PDZRN4: variants seen among roughly 807,000 people sequenced by gnomAD.
PDZRN4 encodes PDZ domain-containing RING finger protein 4.
PDZRN4 carries 70 observed loss-of-function variants against 99.0 expected under a neutral mutation model. The observed-to-expected ratio is 0.71, with a 90% CI of 0.58 to 0.86. PDZRN4 has a LOEUF of 0.86. Ranked by LOEUF, PDZRN4 falls within the 40% of genes least tolerant of loss-of-function variation. PDZRN4 has a pLI of 0.00. For synonymous variants in PDZRN4, 551 were observed against 501.6 expected (o/e 1.10, Z -1.32); for missense variants, 1,474 against 1,331.2 (o/e 1.11, Z -1.67).
chr12:41,188,617 G>A lies in PDZRN4; in HGVS notation c.162G>A (p.Leu54=), dbSNP rs1237569938. The A allele has an allele frequency of 2.6e-6, 4 of 1,539,610 alleles. No homozygotes were observed. The highest frequency in any genetic ancestry group is 1.4e-5 in the African/African-American group (1 of 73,226). The stretch of plus-strand genomic sequence containing the variant: ...CGGTGCGGAGGCGCCGGTGCCCGCT[G>A]CAGTGCCAGCCCTTGGCGCCCGGCG... The part of the protein sequence containing the change: ...PWAVRRRRCP[L]QCQPLAPGEL... The change falls in exon 1 of 10, where the codon CTG becomes CTA. Residue 54 remains leucine, a synonymous_variant. Coordinates refer to ENST00000402685, the MANE Select transcript of PDZRN4 (RefSeq NM_001164595.2).
chr12:41,421,167 C>T (rs1952486085), intron 3 of PDZRN4, among the ~76,000 whole-genome samples: 1 of 152,096 alleles, frequency 6.6e-6, no homozygotes, highest in African/African-American at 2.4e-5. Flanking sequence ...AACATCATTA[C>T]TTTTTATAAT....
At chr12:41,395,282 C>A (rs945097831) in intron 3 of PDZRN4, among the ~76,000 whole-genome samples, 4 of 152,100 alleles carry the variant, frequency 2.6e-5, no homozygotes, top group Non-Finnish European at 5.9e-5. Flanking sequence ...TCCCCAAATA[C>A]AACAGTATGA....
chr12:41,196,814 TTAAAG>T (rs1236463398), intron 3 of PDZRN4, among the ~76,000 whole-genome samples: 1 of 152,116 alleles, frequency 6.6e-6, no homozygotes, highest in Non-Finnish European at 1.5e-5. Flanking sequence ...AAACAGATTT[TTAAAG>T]TAAAGATAAT....
chr12:41,433,875 T>C (rs1952605585), intron 3 of PDZRN4, among the ~76,000 whole-genome samples: 1 of 152,140 alleles, frequency 6.6e-6, no homozygotes, highest in Non-Finnish European at 1.5e-5. Flanking sequence ...TATTGTTAAA[T>C]ATAACAAAAA....
intron 3 of PDZRN4, among the ~76,000 whole-genome samples, chr12:41,401,617 T>C (rs1357365960): frequency 1.3e-5 from 2 of 152,134 alleles, no homozygotes; most frequent in Non-Finnish European, 2.9e-5. Flanking sequence ...GCCATTCTAG[T>C]CTTCACTTTT....
intron 3 of PDZRN4, among the ~76,000 whole-genome samples, chr12:41,475,526 CT>C (rs757765892): frequency 6.6e-6 from 1 of 152,172 alleles, no homozygotes; most frequent in Non-Finnish European, 1.5e-5. Flanking sequence ...GAAACACATT[CT>C]TTGCAGCTTT....
intron 3 of PDZRN4, among the ~76,000 whole-genome samples, chr12:41,478,994 A>T (rs1353116330): frequency 6.6e-6 from 1 of 152,220 alleles, no homozygotes; most frequent in African/African-American, 2.4e-5. Flanking sequence ...ATAAAGACCA[A>T]AGCAATCTTT....
chr12:41,359,192 T>C (rs901265061), intron 3 of PDZRN4, among the ~76,000 whole-genome samples: 3 of 151,986 alleles, frequency 2.0e-5, no homozygotes, highest in African/African-American at 7.2e-5. Flanking sequence ...TTTTTTTTAT[T>C]CTTAGAAGGA....
chr12:41,402,970 A>G (rs1952314933), intron 3 of PDZRN4, among the ~76,000 whole-genome samples: 1 of 152,042 alleles, frequency 6.6e-6, no homozygotes, highest in African/African-American at 2.4e-5. Context: ...GATAACTTAG[A>G]TCTCACTGTT....
At chr12:41,488,354 T>C (rs888428059) in intron 3 of PDZRN4, among the ~76,000 whole-genome samples, 1 of 152,198 alleles carries the variant, frequency 6.6e-6, no homozygotes, top group African/African-American at 2.4e-5. Flanking sequence ...AGGTTATCAC[T>C]ACTTGAGAAG....
At chr12:41,549,876 G>A (rs979019728) in intron 5 of PDZRN4, among the ~76,000 whole-genome samples, 1 of 152,180 alleles carries the variant, frequency 6.6e-6, no homozygotes, top group African/African-American at 2.4e-5. Context: ...GAGCTGAAAG[G>A]AAATAGGAGG....
intron 3 of PDZRN4, among the ~76,000 whole-genome samples, chr12:41,302,031 T>C (rs927836351): frequency 6.6e-6 from 1 of 152,120 alleles, no homozygotes; most frequent in Non-Finnish European, 1.5e-5. Context: ...TGTTTTCAAT[T>C]ATAACATTAA....
At chr12:41,290,154 C>G (rs761964214) in intron 3 of PDZRN4, among the ~76,000 whole-genome samples, 1 of 152,128 alleles carries the variant, frequency 6.6e-6, no homozygotes, top group African/African-American at 2.4e-5. Flanking sequence ...TCTTAGCATC[C>G]CTACCATAAG....
At chr12:41,519,526 C>T (rs1938456727) in intron 5 of PDZRN4, among the ~76,000 whole-genome samples, 3 of 152,068 alleles carry the variant, frequency 2.0e-5, no homozygotes. Context: ...TCTTCCTGAT[C>T]TTAGTCTCTG....
chr12:41,290,192 G>A lies in PDZRN4; in HGVS notation c.843+96004G>A, dbSNP rs547030106. Among the ~76,000 whole-genome samples the A allele has an allele frequency of 2.6e-5, 4 of 152,298 alleles. No homozygotes were observed. In the East Asian group the frequency reaches 7.7e-4, roughly 29 times the overall value. ...CAGATGAAAGATGATTTAAAGTACT[G>A]TGGTTGGCTAACATGCATTGTTTCT... On this transcript the variant is annotated intron_variant, in intron 3 of 9. Coordinates refer to ENST00000402685, the MANE Select transcript of PDZRN4 (RefSeq NM_001164595.2).
At chr12:41,396,657 G>T (rs116928558) in intron 3 of PDZRN4, among the ~76,000 whole-genome samples, 2,054 of 152,188 alleles carry the variant, frequency 0.013, 17 homozygotes, top group African/African-American at 0.017. Flanking sequence ...GCTGAACTGA[G>T]GGAAGATCCA....
intron 3 of PDZRN4, among the ~76,000 whole-genome samples, chr12:41,301,329 A>G (rs867846505): frequency 6.6e-6 from 1 of 152,060 alleles, no homozygotes; most frequent in Non-Finnish European, 1.5e-5. Context: ...AATTTTCAAT[A>G]TTTGAAAATT....
At chr12:41,304,295 G>A (rs1356586380) in intron 3 of PDZRN4, among the ~76,000 whole-genome samples, 1 of 152,118 alleles carries the variant, frequency 6.6e-6, no homozygotes, top group East Asian at 1.9e-4. Flanking sequence ...GGAATAATAG[G>A]TATCAGACTA....
chr12:41,426,215 C>T (rs976107175), intron 3 of PDZRN4, among the ~76,000 whole-genome samples: 2 of 152,162 alleles, frequency 1.3e-5, no homozygotes, highest in Admixed American at 6.6e-5. Context: ...TTCTCTTTGC[C>T]TGTCACCAAC....
Sources: allele counts gnomAD v4.1 joint callset (sites outside exome capture counted in the v4.1 genomes callset), GRCh38; gene constraint gnomAD v4.1.1; transcripts MANE v1.5; gene names NCBI Gene and HGNC (gene_info 2026-07-23, HGNC 2026-07-21).